The following KIF3A variants were observed in gnomAD, a reference collection of about 807,000 sequenced individuals.
KIF3A encodes the protein kinesin-like protein KIF3A.
In KIF3A, 27 loss-of-function variants were observed where a neutral mutation model predicts 92.6. The observed-to-expected ratio is 0.29, with a 90% CI of 0.21 to 0.40. KIF3A has a LOEUF of 0.40. KIF3A is among the 10% of genes least tolerant of loss of function. The pLI is 1.00. For missense variants in KIF3A, 581 were observed against 872.6 expected (o/e 0.67, Z 4.21); for synonymous variants, 250 against 275.4 (o/e 0.91, Z 0.92).
intron 1 of KIF3A, among the ~76,000 whole-genome samples, chr5:132,734,887 AGTTTT>A (rs1291467899): frequency 6.6e-6 from 1 of 152,198 alleles, no homozygotes; most frequent in Admixed American, 6.5e-5. Flanking sequence ...CTGAGACTTT[AGTTTT>A]ATTTCCTATC....
At chr5:132,719,393 G>A (rs935163817) in intron 5 of KIF3A, among the ~76,000 whole-genome samples, 2 of 152,016 alleles carry the variant, frequency 1.3e-5, no homozygotes, top group Non-Finnish European at 2.9e-5. Context: ...ATTGATTTTT[G>A]AAGTTTTGTT....
chr5:132,734,103 AT>A (rs1378973412), intron 2 of KIF3A, 101 bp downstream of exon 2: 6 of 905,066 alleles, frequency 6.6e-6, no homozygotes, highest in Non-Finnish European at 8.5e-6. Flanking sequence ...AACTGTATAT[AT>A]TTACTACACT....
chr5:132,736,698 G>A (rs1754399696), intron 1 of KIF3A: 2 of 420,066 alleles, frequency 4.8e-6, no homozygotes, highest in Non-Finnish European at 9.6e-6. Flanking sequence ...ACCCCATGAG[G>A]TAAAGTTTAC....
At chr5:132,691,084 T>C (rs1331495452), downstream of KIF3A, among the ~76,000 whole-genome samples, 1 of 152,202 alleles carries the variant, frequency 6.6e-6, no homozygotes, top group East Asian at 1.9e-4. Flanking sequence ...CAAGTAATGT[T>C]ATTGTCTTGG....
chr5:132,696,676 A>T lies in KIF3A; in HGVS notation c.2139T>A (p.Arg713=). 6.2e-7 allele frequency: 1 copy of T among 1,610,148 alleles called. No individual in the cohort carries two copies. Among genetic ancestry groups the T allele is most frequent in the Middle Eastern group, 1.7e-4 (1 of 6,044 alleles). Residue 713 remains arginine, a synonymous_variant, in exon 19 of 19, where the codon CGT becomes CGA. Transcript: ENST00000403231. ...CAATTACAGTTTCAGGCTTTGCAGA[A>T]CGCTTTCTGTTTGGAGAAGAAAAAA... The part of the protein sequence containing the change: ...KARPKTGRRK[R]SAKPETVIDS...
rs1321926818 is a variant in KIF3A at position 132,695,862 on chromosome 5, G to C, written c.*772C>G. The C allele has an allele frequency of 6.6e-6, 1 of 152,242 alleles. No individual in the cohort carries two copies. The highest frequency in any genetic ancestry group is 1.5e-5 in the Non-Finnish European group (1 of 68,012). 9.4% of individuals were successfully genotyped at this position (152,242 alleles called of 1,614,324 possible). ...TATACACGCAGGCAAAGATAACTGA[G>C]CAGTATTTAGCTTCTTAATTTTCCG... On this transcript the variant is annotated 3_prime_UTR_variant, in exon 19 of 19. Coordinates refer to ENST00000403231, the MANE Select transcript of KIF3A (RefSeq NM_001300791.2).
intron 4 of KIF3A, chr5:132,721,226 G>GT (rs1423004127): frequency 2.6e-5 from 4 of 152,262 alleles, no homozygotes; most frequent in Non-Finnish European, 4.4e-5. Context: ...GGTCTTTATG[G>GT]TAAGAATAAT....
intron 8 of KIF3A, 24 bp from the exon 9 acceptor site, chr5:132,711,081 G>A: frequency 6.2e-7 from 1 of 1,605,056 alleles, no homozygotes; most frequent in Non-Finnish European, 8.5e-7. Flanking sequence ...TTAATACAAT[G>A]TTTTTTATCC....
downstream of KIF3A, among the ~76,000 whole-genome samples, chr5:132,690,530 A>G (rs1361010430): frequency 1.3e-5 from 2 of 152,236 alleles, no homozygotes; most frequent in East Asian, 3.8e-4. Context: ...ACAAGGACAT[A>G]ATGTCTGAGA....
intron 16 of KIF3A, 133 bp downstream of exon 16, chr5:132,700,514 T>C (rs1395762187): frequency 3.0e-6 from 2 of 676,434 alleles, no homozygotes; most frequent in East Asian, 5.3e-5. Flanking sequence ...TAGAAAAATA[T>C]TTTATCTGCC....
intron 9 of KIF3A, 142 bp downstream of exon 9, chr5:132,710,817 T>G (rs1753395126): frequency 8.9e-7 from 1 of 1,121,206 alleles, no homozygotes; most frequent in African/African-American, 1.6e-5. Context: ...AAATGCAAAG[T>G]TAACCAGGTA....
intron 1 of KIF3A, 48 bp downstream of exon 1, chr5:132,737,366 G>A: frequency 6.3e-7 from 1 of 1,583,412 alleles, no homozygotes; most frequent in South Asian, 1.1e-5. Context: ...CCCCGGGCCA[G>A]GCCGCTAGGA....
At chr5:132,700,400 T>A in intron 16 of KIF3A, 116 bp from the exon 17 acceptor site, 1 of 737,660 alleles carries the variant, frequency 1.4e-6, no homozygotes, top group Admixed American at 2.6e-5. Flanking sequence ...ATTTGAATGC[T>A]AGAGCAGAAA....
chr5:132,711,527 G>A (rs1264379039), intron 8 of KIF3A, among the ~76,000 whole-genome samples: 1 of 152,056 alleles, frequency 6.6e-6, no homozygotes, highest in Non-Finnish European at 1.5e-5. Flanking sequence ...AGGAGGCAGA[G>A]GTTGCAGTGA....
intron 2 of KIF3A, among the ~76,000 whole-genome samples, chr5:132,730,765 G>C (rs1248838826): frequency 6.6e-6 from 1 of 152,056 alleles, no homozygotes; most frequent in Non-Finnish European, 1.5e-5. Flanking sequence ...CTGCACTCCA[G>C]CCTGGTCGAC....
intron 9 of KIF3A, among the ~76,000 whole-genome samples, chr5:132,710,741 T>G (rs1353955941): frequency 6.6e-6 from 1 of 152,190 alleles, no homozygotes; most frequent in African/African-American, 2.4e-5. Flanking sequence ...AGTCTTACAA[T>G]TCTAAATTCT....
At chr5:132,727,589 C>T (rs1754077456) in intron 2 of KIF3A, among the ~76,000 whole-genome samples, 1 of 152,072 alleles carries the variant, frequency 6.6e-6, no homozygotes. Context: ...TGGATGCAGG[C>T]AGAGCTAGAG....
At chr5:132,716,031 C>T in intron 7 of KIF3A, 100 bp from the exon 8 acceptor site, 1 of 943,930 alleles carries the variant, frequency 1.1e-6, no homozygotes, top group Non-Finnish European at 1.6e-6. Context: ...AGCACATATG[C>T]ACCCTTGGCC....
At chr5:132,730,052 C>T (rs1042648217) in intron 2 of KIF3A, among the ~76,000 whole-genome samples, 2 of 152,116 alleles carry the variant, frequency 1.3e-5, no homozygotes, top group African/African-American at 4.8e-5. Context: ...AAAGTTATAC[C>T]ACTACATTCA....
Sources: gnomAD v4.1 joint callset for allele counts (sites outside exome capture counted in the v4.1 genomes callset) on GRCh38, gnomAD v4.1.1 for gene constraint, MANE v1.5 for transcripts, NCBI Gene and HGNC (gene_info 2026-07-23, HGNC 2026-07-21) for gene names.